ARHGAP39: variants seen among roughly 807,000 people sequenced by gnomAD.
ARHGAP39 encodes Rho GTPase activating protein 39.
Under a neutral mutation model 106.9 loss-of-function variants are expected in ARHGAP39, and 44 were observed. The ratio of observed to expected loss-of-function variants is 0.41; its 90% confidence interval spans 0.32 to 0.53. The LOEUF is 0.53. Ranked by LOEUF, ARHGAP39 falls within the 20% of genes least tolerant of loss-of-function variation. The probability of loss-of-function intolerance (pLI) is 0.21; values close to 1 mark genes in which losing one functional copy is unlikely to be tolerated. For synonymous variants in ARHGAP39, 768 were observed against 693.2 expected, an observed-to-expected ratio of 1.11 and a Z score of -1.69; for missense variants, 1,496 against 1,577.3, an observed-to-expected ratio of 0.95 and a Z score of 0.87.
intron 2 of ARHGAP39, among the ~76,000 whole-genome samples, chr8:144,582,962 C>G (rs913560627): frequency 6.6e-6 from 1 of 152,202 alleles, no homozygotes; most frequent in African/African-American, 2.4e-5. Context: ...TCGGCTTGCT[C>G]GGCTCAGACC....
Position 144,646,325 on chromosome 8 carries a change from G to T in ARHGAP39, c.-82+39361C>A, listed in dbSNP as rs1430299271. Among the ~76,000 whole-genome samples the T allele has an allele frequency of 6.6e-6, 1 of 152,228 alleles. No individual in the cohort carries two copies. The highest frequency in any genetic ancestry group is 1.5e-5 in the Non-Finnish European group (1 of 68,048). Reference sequence around the variant, plus strand: ...CTGTGTTGTTTCATCGGCAATAAAAGTGGTACTGGGAGTTGGCAGGAACAG... The same window carrying T: ...CTGTGTTGTTTCATCGGCAATAAAATTGGTACTGGGAGTTGGCAGGAACAG... On this transcript the variant is annotated intron_variant, in intron 1 of 11. Coordinates refer to ENST00000377307, the MANE Select transcript of ARHGAP39 (RefSeq NM_025251.3). The surrounding 1 kb of genome is among the most constrained non-coding windows in gnomAD (Gnocchi z 5.7).
chr8:144,581,381 T>C, intron 2 of ARHGAP39, 104 bp from the exon 3 acceptor site: 1 of 1,270,772 alleles, frequency 7.9e-7, no homozygotes, highest in Non-Finnish European at 1.1e-6. Flanking sequence ...AACCCAGAAA[T>C]CCTGTCATAG....
At chr8:144,690,567 G>T (rs1218701854), upstream of ARHGAP39, among the ~76,000 whole-genome samples, 1 of 151,808 alleles carries the variant, frequency 6.6e-6, no homozygotes, top group Non-Finnish European at 1.5e-5. Context: ...GATTAGCGAT[G>T]TTGAACAACT....
At chr8:144,608,648 G>A (rs886435646) in intron 1 of ARHGAP39, among the ~76,000 whole-genome samples, 1 of 152,192 alleles carries the variant, frequency 6.6e-6, no homozygotes, top group African/African-American at 2.4e-5. Context: ...AGCCTGCTGG[G>A]ATTTTGATTG....
intron 2 of ARHGAP39, chr8:144,583,988 G>T (rs889789276): frequency 2.6e-5 from 4 of 152,236 alleles, no homozygotes; most frequent in African/African-American, 9.6e-5. Flanking sequence ...TCTCCCCGCA[G>T]GGGTGTTTTA....
At chr8:144,544,560 G>C (rs571828728) in intron 6 of ARHGAP39, among the ~76,000 whole-genome samples, 1 of 152,340 alleles carries the variant, frequency 6.6e-6, no homozygotes, top group Admixed American at 6.5e-5. Context: ...GATGTGAGGT[G>C]GAGAGCTGCT....
intron 1 of ARHGAP39, among the ~76,000 whole-genome samples, chr8:144,611,263 C>A (rs1316869402): frequency 6.6e-6 from 1 of 152,072 alleles, no homozygotes; most frequent in Non-Finnish European, 1.5e-5. Flanking sequence ...TGAATTTGTT[C>A]AAGTTTATTG....
chr8:144,669,659 C>T (rs993978841), intron 1 of ARHGAP39, among the ~76,000 whole-genome samples: 6 of 151,292 alleles, frequency 4.0e-5, no homozygotes, highest in African/African-American at 1.5e-4. Flanking sequence ...ATATAAAAAA[C>T]ACATAACTCA....
chr8:144,606,406 T>C (rs906534353), intron 1 of ARHGAP39, among the ~76,000 whole-genome samples: 6 of 152,262 alleles, frequency 3.9e-5, no homozygotes, highest in African/African-American at 1.4e-4. Flanking sequence ...GATGAAGATC[T>C]TTAGGATGAT....
intron 1 of ARHGAP39, among the ~76,000 whole-genome samples, chr8:144,612,729 C>A (rs1354064331): frequency 5.4e-5 from 8 of 148,300 alleles, no homozygotes; most frequent in Non-Finnish European, 1.2e-4. Context: ...TGCACTCCAG[C>A]CAGGGCGACA....
rs1036191560 is a variant in ARHGAP39 at position 144,604,210 on chromosome 8, C to G, written c.80+1325G>C. On this transcript the variant is annotated intron_variant, in intron 2 of 11. Transcript: ENST00000377307. The surrounding 1 kb of genome is among the most constrained non-coding windows in gnomAD (Gnocchi z 4.1). ...GGTGGCCGGGAGGCAGCAGCTGCAC[C>G]TCGGGGGGTGCGGGCGAGGCCTCTG... 6.6e-6 allele frequency among the ~76,000 whole-genome samples: 1 copy of G among 152,156 alleles called. No individual in the cohort carries two copies. Among genetic ancestry groups the G allele is most frequent in the Non-Finnish European group, 1.5e-5 (1 of 68,022 alleles).
chr8:144,680,187 A>C (rs1309405571), intron 1 of ARHGAP39, among the ~76,000 whole-genome samples: 1 of 152,166 alleles, frequency 6.6e-6, no homozygotes, highest in Non-Finnish European at 1.5e-5. Context: ...TATCCCACTG[A>C]GTACGGTTCA....
intron 2 of ARHGAP39, among the ~76,000 whole-genome samples, chr8:144,583,053 G>A (rs1462786206): frequency 6.6e-6 from 1 of 152,088 alleles, no homozygotes; most frequent in African/African-American, 2.4e-5. Flanking sequence ...ACCGTCCACC[G>A]TCCAGCAAAC....
intron 1 of ARHGAP39, among the ~76,000 whole-genome samples, chr8:144,618,604 C>T (rs1004000391): frequency 6.6e-6 from 1 of 151,844 alleles, no homozygotes; most frequent in Admixed American, 6.5e-5. Context: ...CTCAGCCATG[C>T]GCCCTCCATC....
At chr8:144,614,963 C>A (rs770466055) in intron 1 of ARHGAP39, among the ~76,000 whole-genome samples, 73 of 152,308 alleles carry the variant, frequency 4.8e-4, no homozygotes, top group Non-Finnish European at 7.5e-4. Flanking sequence ...ACACAATGAT[C>A]AGTATGATGT....
intron 1 of ARHGAP39, among the ~76,000 whole-genome samples, chr8:144,618,674 C>A (rs936662680): frequency 6.6e-6 from 1 of 152,210 alleles, no homozygotes; most frequent in African/African-American, 2.4e-5. Context: ...GCCTGCTCAG[C>A]TGGGAGGGAG....
intron 4 of ARHGAP39, among the ~76,000 whole-genome samples, chr8:144,551,442 C>T (rs1817685905): frequency 1.3e-5 from 2 of 152,202 alleles, no homozygotes; most frequent in Non-Finnish European, 2.9e-5. Context: ...GTGCCAAGCA[C>T]CTCCTCAATG....
chr8:144,664,715 G>T (rs1821916714), intron 1 of ARHGAP39, among the ~76,000 whole-genome samples: 1 of 151,744 alleles, frequency 6.6e-6, no homozygotes, highest in Non-Finnish European at 1.5e-5. Flanking sequence ...TTCCACTTTT[G>T]CTTCTTCCTT....
intron 1 of ARHGAP39, among the ~76,000 whole-genome samples, chr8:144,637,697 A>ATC (rs779012200): frequency 9.3e-5 from 14 of 150,912 alleles, no homozygotes; most frequent in Non-Finnish European, 1.8e-4. Flanking sequence ...TTCTTTTTGC[A>ATC]TCTCTCTCTC....
Sources: allele counts gnomAD v4.1 joint callset (sites outside exome capture counted in the v4.1 genomes callset), GRCh38; gene constraint gnomAD v4.1.1; non-coding constraint Gnocchi (gnomAD v3.1); transcripts MANE v1.5; gene names NCBI Gene and HGNC (gene_info 2026-07-23, HGNC 2026-07-21).